CFAP54: variants seen among roughly 807,000 people sequenced by gnomAD.
CFAP54 encodes the protein cilia- and flagella-associated protein 54.
A neutral mutation model predicts 370.4 loss-of-function variants in CFAP54; 290 were observed. The observed-to-expected ratio is 0.78, with a 90% CI of 0.71 to 0.86. The LOEUF (loss-of-function observed/expected upper bound fraction) is 0.86, where lower values mean the gene tolerates loss of function less well. Among genes scored for constraint, CFAP54 ranks in the 40% least tolerant of loss-of-function variants. The pLI, the probability that CFAP54 is intolerant of heterozygous loss-of-function variation, is 0.00. For missense variants in CFAP54, 3,399 were observed against 3,528.7 expected, an observed-to-expected ratio of 0.96 and a Z score of 0.93; for synonymous variants, 1,206 against 1,236.5, an observed-to-expected ratio of 0.98 and a Z score of 0.52.
chr12:96,700,210 G>GTTAA (rs1394722101), intron 46 of CFAP54, 117 bp downstream of exon 46: 13 of 1,112,270 alleles, frequency 1.2e-5, no homozygotes, highest in Non-Finnish European at 1.5e-5. Context: ...AGCCCTCTTT[G>GTTAA]TTAAGCCTGG....
At chr12:96,642,983 T>C (rs1225651786) in intron 32 of CFAP54, among the ~76,000 whole-genome samples, 1 of 152,216 alleles carries the variant, frequency 6.6e-6, no homozygotes, top group African/African-American at 2.4e-5. Flanking sequence ...AAGCCTGTCC[T>C]GTCGCTGATC....
intron 48 of CFAP54, among the ~76,000 whole-genome samples, chr12:96,711,229 A>T (rs888065799): frequency 6.6e-6 from 1 of 151,910 alleles, no homozygotes; most frequent in Non-Finnish European, 1.5e-5. Flanking sequence ...TTCTTTTTTT[A>T]AATTCTGTAA....
In CFAP54 at chr12:96,828,055, AT is replaced by A. The variant is rs1473055068; in HGVS notation, c.9097-958del. On this transcript the variant is annotated intron_variant, in intron 65 of 67. Coordinates refer to ENST00000524981, the MANE Select transcript of CFAP54 (RefSeq NM_001306084.2). Reference sequence around the variant, plus strand: ...ATATAATATATAATTATATATTAATATATTATTAATATATAATTATATATTA... The same window carrying A: ...ATATAATATATAATTATATATTAATAATTATTAATATATAATTATATATTA... Among the ~76,000 whole-genome samples the A allele has an allele frequency of 3.2e-3, 408 of 128,366 alleles. 3 individuals are homozygous for A. The highest frequency in any genetic ancestry group is 0.012 in the African/African-American group (389 of 33,728). 84.2% of individuals were successfully genotyped at this position (128,366 alleles called of 152,430 possible). A position where few individuals can be genotyped will look rare whatever the true frequency, so the allele number is the denominator to read the frequency against.
intron 60 of CFAP54, among the ~76,000 whole-genome samples, chr12:96,774,838 A>T (rs1301142771): frequency 6.6e-6 from 1 of 151,816 alleles, no homozygotes; most frequent in Non-Finnish European, 1.5e-5. Context: ...ATTTTTAGAG[A>T]TGTTATCTTC....
intron 48 of CFAP54, among the ~76,000 whole-genome samples, chr12:96,710,384 G>A (rs1957597517): frequency 6.6e-6 from 1 of 152,212 alleles, no homozygotes; most frequent in Non-Finnish European, 1.5e-5. Flanking sequence ...GGGTAAAGCA[G>A]AGTGAACAGG....
intron 63 of CFAP54, among the ~76,000 whole-genome samples, chr12:96,800,398 A>T (rs1368290605): frequency 1.3e-5 from 2 of 152,170 alleles, no homozygotes; most frequent in African/African-American, 2.4e-5. Context: ...TGCTTGAGTG[A>T]TTTTCTCTAG....
intron 39 of CFAP54, among the ~76,000 whole-genome samples, chr12:96,672,411 G>C (rs2136536694): frequency 6.6e-6 from 1 of 152,308 alleles, no homozygotes; most frequent in Middle Eastern, 3.4e-3. Context: ...AATGAAGCAA[G>C]GGGCTGCGAG....
At chr12:96,813,172 T>TA (rs1473929075) in intron 64 of CFAP54, among the ~76,000 whole-genome samples, 3 of 152,232 alleles carry the variant, frequency 2.0e-5, no homozygotes, top group South Asian at 2.1e-4. Context: ...TTCTTTTTTT[T>TA]ATTCCAAAAA....
At chr12:96,704,452 G>GTGTATA (rs1370305562) in intron 46 of CFAP54, among the ~76,000 whole-genome samples, 12 of 61,296 alleles carry the variant, frequency 2.0e-4, no homozygotes, top group Non-Finnish European at 2.9e-4. Context: ...ATGTATGTGT[G>GTGTATA]TATATATATA....
chr12:96,757,461 G>A (rs1361427427), intron 57 of CFAP54, 34 bp from the exon 58 acceptor site: 8 of 1,201,948 alleles, frequency 6.7e-6, no homozygotes, highest in Non-Finnish European at 9.5e-6. Flanking sequence ...GCATGGTGAA[G>A]CTATTTAATA....
At chr12:96,675,911 G>A (rs537646454) in intron 39 of CFAP54, among the ~76,000 whole-genome samples, 24 of 151,512 alleles carry the variant, frequency 1.6e-4, no homozygotes, top group African/African-American at 5.8e-4. Flanking sequence ...ACCCAGGAAG[G>A]GGAACATCAC....
At chr12:96,785,798 C>T (rs1011127570) in intron 61 of CFAP54, among the ~76,000 whole-genome samples, 1 of 152,168 alleles carries the variant, frequency 6.6e-6, no homozygotes, top group South Asian at 2.1e-4. Context: ...GAGGTTTGAC[C>T]AGCCTGCAGA....
chr12:96,657,053 A>G (rs1371156908), intron 36 of CFAP54, among the ~76,000 whole-genome samples: 2 of 152,092 alleles, frequency 1.3e-5, no homozygotes, highest in Non-Finnish European at 2.9e-5. Flanking sequence ...GTTAGAGGGG[A>G]TGTTTATCCT....
At chr12:96,793,919 T>G (rs1377514361) in intron 63 of CFAP54, among the ~76,000 whole-genome samples, 2 of 152,142 alleles carry the variant, frequency 1.3e-5, no homozygotes, top group Non-Finnish European at 2.9e-5. Context: ...TCTATTTTCT[T>G]GCTAGTTTGT....
At chr12:96,622,030 A>C (rs1232570201) in intron 27 of CFAP54, among the ~76,000 whole-genome samples, 1 of 151,730 alleles carries the variant, frequency 6.6e-6, no homozygotes, top group African/African-American at 2.4e-5. Context: ...CACTGGACTT[A>C]AAAGCTCTCT....
chr12:96,562,839 TCTC>T (rs767372346), intron 17 of CFAP54, among the ~76,000 whole-genome samples: 36 of 152,314 alleles, frequency 2.4e-4, no homozygotes, highest in Middle Eastern at 3.4e-3. Flanking sequence ...AAAAACTACT[TCTC>T]CTATGACCTG....
At chr12:96,599,314 C>T (rs1036371761) in intron 26 of CFAP54, among the ~76,000 whole-genome samples, 1 of 152,104 alleles carries the variant, frequency 6.6e-6, no homozygotes, top group Non-Finnish European at 1.5e-5. Context: ...CAGCTTCATC[C>T]ATGTCCCTGC....
intron 39 of CFAP54, among the ~76,000 whole-genome samples, chr12:96,664,728 TATATATATA>T (rs1957049731): frequency 1.5e-4 from 2 of 13,072 alleles, no homozygotes; most frequent in Non-Finnish European, 1.5e-4. Flanking sequence ...TATATATCTA[TATATATATA>T]TCTATATATA....
intron 66 of CFAP54, among the ~76,000 whole-genome samples, chr12:96,857,404 C>T (rs1373097511): frequency 3.3e-5 from 5 of 152,064 alleles, no homozygotes; most frequent in African/African-American, 1.2e-4. Context: ...GTTTTCTGTT[C>T]CTGCGTTAGT....
Sources: gnomAD v4.1 joint callset for allele counts (sites outside exome capture counted in the v4.1 genomes callset) on GRCh38, gnomAD v4.1.1 for gene constraint, MANE v1.5 for transcripts, NCBI Gene and HGNC (gene_info 2026-07-23, HGNC 2026-07-21) for gene names.